Variants in CRPPA observed in about 807,000 individuals in gnomAD.
CRPPA encodes D-ribitol-5-phosphate cytidylyltransferase.
A neutral mutation model predicts 52.0 loss-of-function variants in CRPPA; 43 were observed. The observed-to-expected ratio is 0.83, with a 90% CI of 0.65 to 1.07. The LOEUF is 1.07. CRPPA is among the 50% of genes least tolerant of loss of function. CRPPA has a pLI of 0.00. For synonymous variants in CRPPA, 250 were observed against 203.5 expected, an observed-to-expected ratio of 1.23 and a Z score of -1.94; for missense variants, 629 against 551.7, an observed-to-expected ratio of 1.14 and a Z score of -1.40.
chr7:16,146,882 T>C (rs1439129231), intron 9 of CRPPA, among the ~76,000 whole-genome samples: 2 of 152,124 alleles, frequency 1.3e-5, no homozygotes, highest in Admixed American at 6.5e-5. Context: ...CAGAAAACAA[T>C]AGACAAATTG....
chr7:16,404,862 T>C (rs1401669354), intron 2 of CRPPA, among the ~76,000 whole-genome samples: 3 of 152,218 alleles, frequency 2.0e-5, no homozygotes, highest in African/African-American at 4.8e-5. Flanking sequence ...GGGGAAAGTT[T>C]TGTGGTCATT....
chr7:16,234,346 T>C (rs1162310839), intron 8 of CRPPA, among the ~76,000 whole-genome samples: 2 of 152,058 alleles, frequency 1.3e-5, no homozygotes, highest in Non-Finnish European at 2.9e-5. Context: ...CAGAAAACAA[T>C]TTAAAATAAG....
At chr7:16,229,577 T>C (rs894312560) in intron 8 of CRPPA, among the ~76,000 whole-genome samples, 36 of 152,134 alleles carry the variant, frequency 2.4e-4, no homozygotes, top group African/African-American at 8.7e-4. Flanking sequence ...TTAGTATTTT[T>C]CATGTCACAA....
At chr7:16,159,128 G>T (rs1313223608) in intron 9 of CRPPA, among the ~76,000 whole-genome samples, 1 of 152,066 alleles carries the variant, frequency 6.6e-6, no homozygotes, top group Admixed American at 6.6e-5. Context: ...TTAAAAATTG[G>T]GAGAGTGGCC....
chr7:16,415,495 T>C (rs943653925), intron 1 of CRPPA, among the ~76,000 whole-genome samples: 4 of 152,186 alleles, frequency 2.6e-5, no homozygotes, highest in Non-Finnish European at 5.9e-5. Flanking sequence ...AATTTTACTC[T>C]TCCTTTTGAA....
At chr7:16,374,188 G>C (rs141342552) in intron 3 of CRPPA, among the ~76,000 whole-genome samples, 3 of 152,110 alleles carry the variant, frequency 2.0e-5, no homozygotes, top group African/African-American at 7.2e-5. Flanking sequence ...CAATTCAATT[G>C]GTTGCCAGCA....
intron 5 of CRPPA, among the ~76,000 whole-genome samples, chr7:16,296,447 C>T (rs1206486294): frequency 6.6e-6 from 1 of 152,074 alleles, no homozygotes; most frequent in Non-Finnish European, 1.5e-5. Flanking sequence ...TCTTGCAAAA[C>T]ATGAGACATG....
intron 1 of CRPPA, among the ~76,000 whole-genome samples, chr7:16,410,998 C>T (rs1300223862): frequency 1.3e-5 from 2 of 152,144 alleles, no homozygotes; most frequent in Non-Finnish European, 2.9e-5. Context: ...CTGTTTATAA[C>T]TTTATCTTCC....
intron 9 of CRPPA, among the ~76,000 whole-genome samples, chr7:16,174,657 C>T (rs1230230310): frequency 6.6e-6 from 1 of 151,446 alleles, no homozygotes; most frequent in African/African-American, 2.4e-5. Context: ...TTTTTTTTGG[C>T]AGAAAGTACC....
At chr7:16,257,281 A>G (rs1042860719) in intron 8 of CRPPA, among the ~76,000 whole-genome samples, 1 of 152,154 alleles carries the variant, frequency 6.6e-6, no homozygotes, top group African/African-American at 2.4e-5. Flanking sequence ...TGAAATTTCT[A>G]AGCAAGTAAA....
intron 8 of CRPPA, among the ~76,000 whole-genome samples, chr7:16,237,722 T>C (rs1782989740): frequency 6.6e-6 from 1 of 152,206 alleles, no homozygotes; most frequent in African/African-American, 2.4e-5. Flanking sequence ...TCACATCAAT[T>C]AATACTAGGC....
chr7:16,127,071 A>G (rs914856674), intron 9 of CRPPA, among the ~76,000 whole-genome samples: 2 of 152,204 alleles, frequency 1.3e-5, no homozygotes, highest in African/African-American at 2.4e-5. Context: ...AGAAGTATGT[A>G]TACTAGGCTT....
intron 3 of CRPPA, among the ~76,000 whole-genome samples, chr7:16,340,135 A>G (rs913531918): frequency 2.6e-5 from 4 of 152,134 alleles, no homozygotes; most frequent in African/African-American, 9.6e-5. Context: ...TATAAAATAC[A>G]TAACTATAAA....
At chr7:16,170,455 G>A (rs770977975) in intron 9 of CRPPA, among the ~76,000 whole-genome samples, 13 of 152,174 alleles carry the variant, frequency 8.5e-5, no homozygotes, top group Non-Finnish European at 1.8e-4. Context: ...TTGTGGTCTC[G>A]CTGACTTCAG....
At chr7:16,274,613 T>C (rs1017541204) in intron 6 of CRPPA, among the ~76,000 whole-genome samples, 1 of 152,136 alleles carries the variant, frequency 6.6e-6, no homozygotes, top group East Asian at 1.9e-4. Flanking sequence ...TAAGAAATTT[T>C]TGAGGAATGG....
chr7:16,398,791 C>T (rs115550275), intron 2 of CRPPA, among the ~76,000 whole-genome samples: 3,036 of 152,302 alleles, frequency 0.02, 95 homozygotes, highest in African/African-American at 0.07. Flanking sequence ...TTGACTGACA[C>T]GTGATTAACA....
chr7:16,407,978 C>T (rs1787993498), intron 1 of CRPPA, among the ~76,000 whole-genome samples: 1 of 151,786 alleles, frequency 6.6e-6, no homozygotes, highest in Non-Finnish European at 1.5e-5. Context: ...TGTAGTGGCA[C>T]GCAACTGTAA....
intron 9 of CRPPA, among the ~76,000 whole-genome samples, chr7:16,165,610 A>G (rs996522913): frequency 3.3e-5 from 5 of 152,226 alleles, no homozygotes; most frequent in African/African-American, 1.2e-4. Flanking sequence ...TCATATATTC[A>G]TTGTCAGATG....
intron 8 of CRPPA, among the ~76,000 whole-genome samples, chr7:16,230,516 T>C (rs1487505371): frequency 4.6e-5 from 7 of 152,200 alleles, no homozygotes; most frequent in Non-Finnish European, 1.0e-4. Context: ...CATCTGATTA[T>C]ATTTCACATT....
Sources: gnomAD v4.1 joint callset for allele counts (sites outside exome capture counted in the v4.1 genomes callset) on GRCh38, gnomAD v4.1.1 for gene constraint, MANE v1.5 for transcripts, NCBI Gene and HGNC (gene_info 2026-07-23, HGNC 2026-07-21) for gene names.